Variants in TRIM3 observed in about 807,000 individuals in gnomAD.
TRIM3 encodes the protein tripartite motif-containing protein 3.
Under a neutral mutation model 66.6 loss-of-function variants are expected in TRIM3, and 13 were observed. The ratio of observed to expected loss-of-function variants is 0.20; its 90% CI spans 0.13 to 0.31. The LOEUF is 0.31. Among genes scored for constraint, TRIM3 ranks in the 10% least tolerant of loss-of-function variants. The pLI is 1.00. For synonymous variants in TRIM3, 406 were observed against 411.7 expected, an observed-to-expected ratio of 0.99 and a Z score of 0.17; for missense variants, 711 against 1,020.4, an observed-to-expected ratio of 0.70 and a Z score of 4.13.
rs116462813 is a variant in TRIM3 at position 6,457,731 on chromosome 11, C to T, written c.480G>A (p.Ala160=). The T allele has an allele frequency of 5.6e-6, 9 of 1,613,800 alleles. No homozygotes were observed. Among genetic ancestry groups the T allele is most frequent in the South Asian group, 2.2e-5 (2 of 91,072 alleles). Residue 160 remains alanine, a synonymous_variant, in exon 4 of 12, where the codon GCG becomes GCA. Transcript: ENST00000345851. The surrounding 1 kb of genome is among the most constrained non-coding windows in gnomAD (Gnocchi z 4.5). The part of the protein sequence containing the change: ...LLRDVVEQHK[A]ALQRQLEAVR... ...CAGCCTCGAGCTGGCGCTGCAGGGC[C>T]GCCTTGTGCTGCTCCACCACATCCC...
At chr11:6,465,945 G>A (rs918621125) in intron 1 of TRIM3, among the ~76,000 whole-genome samples, 1 of 152,172 alleles carries the variant, frequency 6.6e-6, no homozygotes, top group African/African-American at 2.4e-5. Context: ...TTTCAAACCT[G>A]GCTCAGTCTC....
At chr11:6,465,489 C>CCCTCCCCACAGGGGAGGAGGATCCTCAT in intron 2 of TRIM3, 76 bp downstream of exon 2, 9 of 1,552,558 alleles carry the variant, frequency 5.8e-6, no homozygotes, top group South Asian at 1.1e-5. Context: ...TGCTCCCTCA[C>CCCTCCCCACAGGGGAGGAGGATCCTCAT]CCTCCCCACA....
intron 2 of TRIM3, among the ~76,000 whole-genome samples, chr11:6,459,766 G>A (rs1288514443): frequency 6.6e-6 from 1 of 152,196 alleles, no homozygotes; most frequent in African/African-American, 2.4e-5. Context: ...GAGATGATGA[G>A]TCTTCGCTGA....
chr11:6,474,166 A>G (rs1850839833), upstream of TRIM3: 2 of 151,266 alleles, frequency 1.3e-5, no homozygotes, highest in Non-Finnish European at 2.9e-5. Flanking sequence ...CGGATCCCGG[A>G]TCTCGGATCC....
Position 6,457,800 on chromosome 11 carries a change from C to G in TRIM3, c.411G>C (p.Glu137Asp), listed in dbSNP as rs1176162804. Residue 137 changes from glutamate to aspartate, a missense_variant, in exon 4 of 12, where the codon GAG becomes GAC. Around this residue, in one of 3 missense-constraint regions of TRIM3, gnomAD observed 149 missense variants for 240.3 expected, o/e 0.62. Coordinates refer to ENST00000345851, the MANE Select transcript of TRIM3 (RefSeq NM_033278.4). This position sits in a 1 kb window ranked among gnomAD's most constrained non-coding sequence, Gnocchi z 4.5. ...CEACETAMCG[E>D]CRAGEHREHG... ...GCTCACGATGCTCCCCGGCGCGGCA[C>G]TCACCACACATGGCCGTCTCACAGG... 1.2e-6 allele frequency: 2 copies of G among 1,614,246 alleles called. No individual in the cohort carries two copies. Among genetic ancestry groups the G allele is most frequent in the Admixed American group, 1.7e-5 (1 of 60,030 alleles).
chr11:6,470,094 A>C (rs551881137), intron 1 of TRIM3, among the ~76,000 whole-genome samples: 7 of 152,214 alleles, frequency 4.6e-5, no homozygotes, highest in Non-Finnish European at 1.0e-4. Flanking sequence ...GCAAAGGAAA[A>C]CTTTGGTAGT....
intron 2 of TRIM3, 53 bp downstream of exon 2, chr11:6,465,512 C>A (rs1850422288): frequency 6.3e-7 from 1 of 1,598,734 alleles, no homozygotes; most frequent in African/African-American, 1.4e-5. Flanking sequence ...GGAGGAGGAT[C>A]CTCATCCTCC....
In TRIM3 at chr11:6,458,638, T is replaced by C. The variant is rs1393069258; in HGVS notation, c.132-342A>G. On this transcript the variant is annotated intron_variant, in intron 2 of 11. Coordinates refer to ENST00000345851, the MANE Select transcript of TRIM3 (RefSeq NM_033278.4). The surrounding 1 kb of genome is among the most constrained non-coding windows in gnomAD (Gnocchi z 6.2). ...CTTCTTTAACTCATTAACACTACTG[T>C]CTACTCTTGCCAAATTTATGCCAAG... Among the ~76,000 whole-genome samples, 2 of 152,206 alleles carry C rather than the reference T, an allele frequency of 1.3e-5. No homozygotes were observed. The highest frequency in any genetic ancestry group is 2.9e-5 in the Non-Finnish European group (2 of 68,044).
rs1056953483 is a variant in TRIM3, at chr11:6,456,250, C to G, written c.1429+47G>C. On this transcript the variant is annotated intron_variant, in intron 6 of 11. Coordinates refer to ENST00000345851, the MANE Select transcript of TRIM3 (RefSeq NM_033278.4). The surrounding 1 kb of genome is among the most constrained non-coding windows in gnomAD (Gnocchi z 6.4). The stretch of plus-strand genomic sequence containing the variant: ...CTTGAACCTCCCTTCCCTCCCCACC[C>G]ACTACCTGAGCCTGGCCCATCTGGC... 6.3e-7 allele frequency: 1 copy of G among 1,596,644 alleles called. No individual in the cohort carries two copies. The highest frequency in any genetic ancestry group is 1.3e-5 in the African/African-American group (1 of 74,774).
chr11:6,457,332 G>A lies in TRIM3; in HGVS notation c.660C>T (p.Val220=). ...QALQQRKQAL[V]SDLETICGAK... ...CCCCACAAATGGTCTCCAGGTCGCT[G>A]ACCAGAGCCTGCTTGCGCTGCTGCA... Residue 220 remains valine, a synonymous_variant, in exon 5 of 12, where the codon GTC becomes GTT. Coordinates refer to ENST00000345851, the MANE Select transcript of TRIM3 (RefSeq NM_033278.4). The surrounding 1 kb of genome is among the most constrained non-coding windows in gnomAD (Gnocchi z 4.5). The A allele has an allele frequency of 6.2e-7, 1 of 1,614,172 alleles. No individual in the cohort carries two copies. Among genetic ancestry groups the A allele is most frequent in the East Asian group, 2.2e-5 (1 of 44,888 alleles).
Position 6,458,945 on chromosome 11 carries a change from T to C in TRIM3, c.132-649A>G, listed in dbSNP as rs1474820286. ...GGATTACATGTAAAGTACTTACTTA[T>C]ATTTGAAGAGGATTAAATGTAAAAT... On this transcript the variant is annotated intron_variant, in intron 2 of 11. Transcript: ENST00000345851. The surrounding 1 kb of genome is among the most constrained non-coding windows in gnomAD (Gnocchi z 6.2). 1.3e-5 allele frequency among the ~76,000 whole-genome samples: 2 copies of C among 152,242 alleles called. No homozygotes were observed. The highest frequency in any genetic ancestry group is 2.9e-5 in the Non-Finnish European group (2 of 68,040).
chr11:6,448,777 T>TA lies in TRIM3; in HGVS notation c.*250dup. 1 of 611,800 alleles carries TA rather than the reference T, an allele frequency of 1.6e-6. No individual in the cohort carries two copies. The highest frequency in any genetic ancestry group is 2.9e-5 in the Admixed American group (1 of 34,442). The allele number at this position is 611,800 out of a possible 1,614,324, so 37.9% of individuals were successfully genotyped here. A position where few individuals can be genotyped will look rare whatever the true frequency, so the allele number is the denominator to read the frequency against. ...AGACTGACAGGGGTGGGGAGGTGTG[T>TA]AAGAAGGGTAGGGTGAAGCTCTGCA... On this transcript the variant is annotated 3_prime_UTR_variant, in exon 12 of 12. Transcript: ENST00000345851.
chr11:6,450,690 GA>G lies in TRIM3; in HGVS notation c.1871-70del. 12 of 1,514,124 alleles carry G rather than the reference GA, an allele frequency of 7.9e-6. No homozygotes were observed. The highest frequency in any genetic ancestry group is 1.0e-5 in the Non-Finnish European group (11 of 1,090,284). 93.8% of individuals were successfully genotyped at this position (1,514,124 alleles called of 1,614,324 possible). A position where few individuals can be genotyped will look rare whatever the true frequency, so the allele number is the denominator to read the frequency against. The stretch of plus-strand genomic sequence containing the variant: ...GAGTGGGATGGGGAAGAGTATCTGG[GA>G]AGATAAAAGCTAGGGTGTTAGGAGA... On this transcript the variant is annotated intron_variant, in intron 9 of 11. Coordinates refer to ENST00000345851, the MANE Select transcript of TRIM3 (RefSeq NM_033278.4). The surrounding 1 kb of genome is among the most constrained non-coding windows in gnomAD (Gnocchi z 4.8).
intron 7 of TRIM3, chr11:6,451,734 G>T: frequency 2.7e-6 from 1 of 376,296 alleles, no homozygotes. Context: ...AATTCGGCCA[G>T]GAAAGGAAGA....
chr11:6,470,713 A>G (rs554194269), intron 1 of TRIM3, among the ~76,000 whole-genome samples: 1 of 152,234 alleles, frequency 6.6e-6, no homozygotes, highest in Non-Finnish European at 1.5e-5. Context: ...TGGTGCAGAG[A>G]TGGTTCCTGA....
rs771682148 is a variant in TRIM3 at position 6,456,249 on chromosome 11, CCACT to C, written c.1429+44_1429+47del. 1 of 1,597,180 alleles carries C rather than the reference CCACT, an allele frequency of 6.3e-7. No individual in the cohort carries two copies. The highest frequency in any genetic ancestry group is 1.3e-5 in the African/African-American group (1 of 74,884). ...TCTTGAACCTCCCTTCCCTCCCCACCCACTACCTGAGCCTGGCCCATCTGGCTCT... is the reference window on the plus strand; with the variant it reads ...TCTTGAACCTCCCTTCCCTCCCCACCACCTGAGCCTGGCCCATCTGGCTCT... On this transcript the variant is annotated intron_variant, in intron 6 of 11. Coordinates refer to ENST00000345851, the MANE Select transcript of TRIM3 (RefSeq NM_033278.4). This position sits in a 1 kb window ranked among gnomAD's most constrained non-coding sequence, Gnocchi z 6.4.
At chr11:6,464,986 CAAAAAAAAAAAA>C (rs544959608) in intron 2 of TRIM3, among the ~76,000 whole-genome samples, 11 of 54,178 alleles carry the variant, frequency 2.0e-4, no homozygotes, top group Non-Finnish European at 3.6e-4. Flanking sequence ...GACTCCATCT[CAAAAAAAAAAAA>C]AAAAAAAAAA....
At chr11:6,467,672 G>A (rs565412268) in intron 1 of TRIM3, among the ~76,000 whole-genome samples, 1 of 152,310 alleles carries the variant, frequency 6.6e-6, no homozygotes, top group East Asian at 1.9e-4. Flanking sequence ...GGCTGAGGTG[G>A]GAGGATTGCT....
In TRIM3 at chr11:6,450,921, C is replaced by T; in HGVS notation, c.1841G>A (p.Gly614Asp). 1 of 1,614,160 alleles carries T rather than the reference C, an allele frequency of 6.2e-7. No individual in the cohort carries two copies. The highest frequency in any genetic ancestry group is 8.5e-7 in the Non-Finnish European group (1 of 1,180,030). Residue 614 changes from glycine to aspartate, a missense_variant, in exon 9 of 12, where the codon GGC becomes GAC. Gly to Asp is a moderately conservative substitution (Grantham distance 94). This residue lies in a region of TRIM3 where 163 missense variants were observed against 321.9 expected (regional missense o/e 0.51). Transcript: ENST00000345851. The surrounding 1 kb of genome is among the most constrained non-coding windows in gnomAD (Gnocchi z 4.8). ...PNGKLVGRFGGRGATDRHFAG... is the reference protein window; with the variant it reads ...PNGKLVGRFGDRGATDRHFAG... ...AAAGTGGCGGTCAGTGGCCCCACGG[C>T]CCCCAAAACGGCCAACCAGTTTGCC...
Sources: gnomAD v4.1 joint callset for allele counts (sites outside exome capture counted in the v4.1 genomes callset) on GRCh38, gnomAD v4.1.1 for gene constraint, gnomAD v4.1.1 regional missense constraint, Gnocchi (gnomAD v3.1) non-coding constraint, MANE v1.5 for transcripts, NCBI Gene and HGNC (gene_info 2026-07-23, HGNC 2026-07-21) for gene names.